The following EXOG variants were observed in gnomAD, a reference collection of about 807,000 sequenced individuals.
EXOG encodes the protein nuclease EXOG, mitochondrial.
EXOG carries 27 observed loss-of-function variants against 25.8 expected under a neutral mutation model. The observed-to-expected ratio is 1.05, with a 90% CI of 0.77 to 1.45. The LOEUF is 1.45. Ranked by LOEUF, EXOG falls within the 40% of genes most tolerant of loss-of-function variation. The pLI, the probability that EXOG is intolerant of heterozygous loss-of-function variation, is 0.00. For missense variants in EXOG, 458 were observed against 450.5 expected (o/e 1.02, Z -0.15); for synonymous variants, 133 against 167.0 (o/e 0.80, Z 1.57).
Position 38,524,624 on chromosome 3 carries a change from A to C in EXOG, c.*262A>C. 1.8e-6 allele frequency: 2 copies of C among 1,137,674 alleles called. No individual in the cohort carries two copies. The highest frequency in any genetic ancestry group is 8.0e-5 in the South Asian group (2 of 25,064). 70.5% of individuals were successfully genotyped at this position (1,137,674 alleles called of 1,614,324 possible). ...GCACACACCATCACCCTCAGCTACTAGTGGCTTTGCTTTAAAGAAACAGTG... is the reference window on the plus strand; with the variant it reads ...GCACACACCATCACCCTCAGCTACTCGTGGCTTTGCTTTAAAGAAACAGTG... On this transcript the variant is annotated 3_prime_UTR_variant, in exon 6 of 6. Transcript: ENST00000287675.
At chr3:38,509,475 G>A (rs954408023) in intron 5 of EXOG, among the ~76,000 whole-genome samples, 6 of 152,158 alleles carry the variant, frequency 3.9e-5, no homozygotes, top group African/African-American at 1.4e-4. Flanking sequence ...ATATCTTCTA[G>A]TTGTTTCTGC....
At chr3:38,513,357 C>A (rs915871420) in intron 5 of EXOG, among the ~76,000 whole-genome samples, 3 of 152,102 alleles carry the variant, frequency 2.0e-5, no homozygotes, top group South Asian at 4.1e-4. Flanking sequence ...AGTTTGTAAT[C>A]CAAGATCTAT....
Position 38,496,391 on chromosome 3 carries a change from C to T in EXOG, c.24C>T (p.Ser8=). 6.2e-7 allele frequency: 1 copy of T among 1,613,906 alleles called. No homozygotes were observed. The highest frequency in any genetic ancestry group is 8.5e-7 in the Non-Finnish European group (1 of 1,179,880). Reference sequence around the variant, plus strand: ...AGATGGCTATCAAGAGTATCGCTTCCCGCCTCCGGGGTTCCCGTCGTTTTC... The same window carrying T: ...AGATGGCTATCAAGAGTATCGCTTCTCGCCTCCGGGGTTCCCGTCGTTTTC... MAIKSIA[S]RLRGSRRFLS... Residue 8 remains serine (S), a synonymous_variant, in exon 1 of 6, where the codon TCC becomes TCT. Transcript: ENST00000287675.
chr3:38,526,150 T>G lies in EXOG; in HGVS notation c.*1788T>G. The G allele has an allele frequency of 2.0e-6, 2 of 985,406 alleles. No homozygotes were observed. Among genetic ancestry groups the G allele is most frequent in the Non-Finnish European group, 2.4e-6 (2 of 829,914 alleles). 61.0% of individuals were successfully genotyped at this position (985,406 alleles called of 1,614,324 possible). On this transcript the variant is annotated 3_prime_UTR_variant, in exon 6 of 6. Transcript: ENST00000287675. ...TCCTTTCATGGACTATCCTGAGTAT[T>G]GTCAGTAAAACGTCTTGGGGCATAA...
intron 5 of EXOG, among the ~76,000 whole-genome samples, chr3:38,507,518 A>G (rs1310927541): frequency 6.6e-6 from 1 of 152,228 alleles, no homozygotes; most frequent in Non-Finnish European, 1.5e-5. Flanking sequence ...GAGTTCCATA[A>G]CAACAGGTGG....
chr3:38,513,143 G>A (rs2060424291), intron 5 of EXOG, among the ~76,000 whole-genome samples: 1 of 152,104 alleles, frequency 6.6e-6, no homozygotes, highest in Non-Finnish European at 1.5e-5. Context: ...TAATAATTGG[G>A]AGATTTCACA....
intron 5 of EXOG, among the ~76,000 whole-genome samples, chr3:38,512,879 C>CT (rs1390946645): frequency 6.6e-6 from 1 of 152,106 alleles, no homozygotes; most frequent in Non-Finnish European, 1.5e-5. Context: ...TCACTGTAAC[C>CT]TTTATCTTCT....
In EXOG at chr3:38,524,192, A is replaced by G; in HGVS notation, c.937A>G (p.Thr313Ala). The G allele has an allele frequency of 1.2e-6, 2 of 1,614,208 alleles. No individual in the cohort carries two copies. Among genetic ancestry groups the G allele is most frequent in the Non-Finnish European group, 8.5e-7 (1 of 1,180,030 alleles). Residue 313 changes from threonine to alanine, a missense_variant, in exon 6 of 6, where the codon ACA becomes GCA. Thr to Ala is a moderately conservative substitution (Grantham distance 58). Around this residue, in one of 3 missense-constraint regions of EXOG, gnomAD observed 178 missense variants for 203.7 expected, o/e 0.87. Transcript: ENST00000287675. The part of the protein sequence containing the change: ...DFQEFTLYLS[T>A]RKIEGARSVL... ...CCAGGAGTTCACCTTGTACTTGAGT[A>G]CAAGAAAGATTGAAGGAGCCCGATC...
intron 1 of EXOG, chr3:38,496,872 G>A (rs2059905980): frequency 1.0e-5 from 13 of 1,258,334 alleles, no homozygotes; most frequent in Non-Finnish European, 1.4e-5. Flanking sequence ...TTGAGACTAT[G>A]TCTGTTTTGG....
In EXOG at chr3:38,525,646, C is replaced by A; in HGVS notation, c.*1284C>A. ...CTTTTTGTTCTTAAGATTAAGAAAC[C>A]TATGAAGGATCTGCAGCCAGGCATG... On this transcript the variant is annotated 3_prime_UTR_variant, in exon 6 of 6. Transcript: ENST00000287675. 1.3e-5 allele frequency: 13 copies of A among 984,810 alleles called. No individual in the cohort carries two copies. The highest frequency in any genetic ancestry group is 1.4e-5 in the Non-Finnish European group (12 of 829,446). 61.0% of individuals were successfully genotyped at this position (984,810 alleles called of 1,614,324 possible).
intron 5 of EXOG, among the ~76,000 whole-genome samples, chr3:38,522,818 A>G (rs2060761813): frequency 6.6e-6 from 1 of 152,166 alleles, no homozygotes; most frequent in African/African-American, 2.4e-5. Flanking sequence ...TGCCAATTGG[A>G]AGGAAATTTG....
rs367875999 is a variant in EXOG, at chr3:38,506,942, G to A, written c.619G>A (p.Asp207Asn). Residue 207 changes from aspartate to asparagine, a missense_variant, in exon 5 of 6, where the codon GAT becomes AAT. Physicochemically the swap from Asp to Asn is conservative, Grantham distance 23 (BLOSUM62 1). Around this residue, in one of 3 missense-constraint regions of EXOG, gnomAD observed 178 missense variants for 203.7 expected, o/e 0.87. Transcript: ENST00000287675. ...TTTGACCTTACCTCAGACTAGAGGC[G>A]ATGGAAAGAAAATAGTTAGTTACCA... ...GPLTLPQTRG[D>N]GKKIVSYQVI... The A allele has an allele frequency of 4.5e-6, 7 of 1,569,854 alleles. No individual in the cohort carries two copies. The highest frequency in any genetic ancestry group is 3.3e-5 in the South Asian group (3 of 90,052).
Position 38,508,877 on chromosome 3 carries a change from C to A in EXOG, c.645+1909C>A, listed in dbSNP as rs747809015. 7.2e-4 allele frequency among the ~76,000 whole-genome samples: 110 copies of A among 152,116 alleles called. 1 individual carries two copies. Among genetic ancestry groups the A allele is most frequent in the Non-Finnish European group, 1.8e-4 (12 of 68,018 alleles). ...TCTCTTTTTCCACACAAAATTATGA[C>A]CCAACTACTTCTTTTTGTTAAGTGG... On this transcript the variant is annotated intron_variant, in intron 5 of 5. Transcript: ENST00000287675.
chr3:38,516,688 GT>G (rs139095223), intron 5 of EXOG, among the ~76,000 whole-genome samples: 14 of 149,172 alleles, frequency 9.4e-5, no homozygotes, highest in Non-Finnish European at 1.8e-4. Context: ...CCTTTATACT[GT>G]TTTTTTTTTC....
Position 38,524,832 on chromosome 3 carries a change from G to C in EXOG, c.*470G>C. The C allele has an allele frequency of 2.0e-6, 2 of 987,636 alleles. No individual in the cohort carries two copies. Among genetic ancestry groups the C allele is most frequent in the Non-Finnish European group, 2.4e-6 (2 of 831,548 alleles). The allele number at this position is 987,636 out of a possible 1,614,324, so 61.2% of individuals were successfully genotyped here. Reference sequence around the variant, plus strand: ...CAGATGACACTGCATTTGTATCCCTGTGGATGTAGAGTATTGGGAAGGCAT... The same window carrying C: ...CAGATGACACTGCATTTGTATCCCTCTGGATGTAGAGTATTGGGAAGGCAT... On this transcript the variant is annotated 3_prime_UTR_variant, in exon 6 of 6. Coordinates refer to ENST00000287675, the MANE Select transcript of EXOG (RefSeq NM_005107.4).
intron 1 of EXOG, chr3:38,497,091 A>G: frequency 1.0e-6 from 1 of 1,000,854 alleles, no homozygotes; most frequent in South Asian, 4.1e-5. Flanking sequence ...AAAAAAAAAA[A>G]TTAACACGAG....
intron 5 of EXOG, among the ~76,000 whole-genome samples, chr3:38,516,688 G>GTT (rs139095223): frequency 3.4e-5 from 5 of 149,176 alleles, no homozygotes; most frequent in African/African-American, 9.8e-5. Flanking sequence ...CCTTTATACT[G>GTT]TTTTTTTTTT....
chr3:38,508,344 TTAGC>T (rs2060265544), intron 5 of EXOG, among the ~76,000 whole-genome samples: 1 of 152,212 alleles, frequency 6.6e-6, no homozygotes, highest in South Asian at 2.1e-4. Context: ...TGGGAAATTC[TTAGC>T]TAGCCTTTCA....
rs2060817058 is a variant in EXOG, at chr3:38,524,226, G to C, written c.971G>C (p.Arg324Thr). Reference protein sequence around the residue: ...RKIEGARSVLRLEKIMENLKN... With the variant: ...RKIEGARSVLTLEKIMENLKN... Reference sequence around the variant, plus strand: ...ATTGAAGGAGCCCGATCAGTGCTCAGACTGGAAAAGATCATGGAAAACTTG... The same window carrying C: ...ATTGAAGGAGCCCGATCAGTGCTCACACTGGAAAAGATCATGGAAAACTTG... The change falls in exon 6 of 6, where the codon AGA becomes ACA. Residue 324 changes from arginine to threonine, a missense_variant. Physicochemically the swap from Arg to Thr is moderately conservative, Grantham distance 71 (BLOSUM62 -1). Coordinates refer to ENST00000287675, the MANE Select transcript of EXOG (RefSeq NM_005107.4). 6.2e-7 allele frequency: 1 copy of C among 1,614,110 alleles called. No individual in the cohort carries two copies. The highest frequency in any genetic ancestry group is 8.5e-7 in the Non-Finnish European group (1 of 1,179,962).
Sources: allele counts gnomAD v4.1 joint callset (sites outside exome capture counted in the v4.1 genomes callset), GRCh38; gene constraint gnomAD v4.1.1; regional missense constraint gnomAD v4.1.1; transcripts MANE v1.5; gene names NCBI Gene and HGNC (gene_info 2026-07-23, HGNC 2026-07-21).